ACVR1B: variants seen among roughly 807,000 people sequenced by gnomAD.
ACVR1B encodes the protein activin receptor type-1B.
A neutral mutation model predicts 55.6 loss-of-function variants in ACVR1B; 15 were observed. That is an observed-to-expected ratio of 0.27 (90% CI 0.18 to 0.42). The LOEUF (loss-of-function observed/expected upper bound fraction) is 0.42. Among genes scored for constraint, ACVR1B ranks in the 10% least tolerant of loss-of-function variants. The pLI is 1.00. For synonymous variants in ACVR1B, 247 were observed against 254.6 expected (o/e 0.97, Z 0.28); for missense variants, 359 against 670.1 (o/e 0.54, Z 5.13).
chr12:51,965,626 T>C (rs1941624664), intron 1 of ACVR1B, among the ~76,000 whole-genome samples: 1 of 152,082 alleles, frequency 6.6e-6, no homozygotes, highest in Non-Finnish European at 1.5e-5. Flanking sequence ...GACAGTACCA[T>C]GTGAGATCGT....
chr12:51,976,558 C>T lies in ACVR1B; in HGVS notation c.563C>T (p.Thr188Ile). Reference sequence around the variant, plus strand: ...CAGGATCTTGTCTACGATCTCTCCACCTCAGGGTCTGGCTCAGGTACCAAG... The same window carrying T: ...CAGGATCTTGTCTACGATCTCTCCATCTCAGGGTCTGGCTCAGGTACCAAG... ...TLQDLVYDLSTSGSGSGLPLF... is the reference protein window; with the variant it reads ...TLQDLVYDLSISGSGSGLPLF... Residue 188 changes from threonine to isoleucine, a missense_variant, in exon 3 of 9, where the codon ACC becomes ATC. Physicochemically the swap from Thr to Ile is moderately conservative, Grantham distance 89. Transcript: ENST00000257963. 2 of 1,613,430 alleles carry T rather than the reference C, an allele frequency of 1.2e-6. No homozygotes were observed. The highest frequency in any genetic ancestry group is 1.1e-5 in the South Asian group (1 of 91,048).
At position 51,986,346 on chromosome 12, in the gene ACVR1B, C is replaced by T. The variant is rs1037835335; in HGVS notation, c.1137-472C>T. ...CAGTCATGGCTCACTGCAGCCTCCG[C>T]CTCCCGGGTTCAAGTGATTCTCCTG... is the stretch of plus-strand genomic sequence containing the variant. On this transcript the variant is annotated intron_variant, in intron 6 of 8. Transcript: ENST00000257963. Among the ~76,000 whole-genome samples the T allele has an allele frequency of 1.1e-4, 16 of 152,342 alleles. 1 individual carries two copies. Among genetic ancestry groups the T allele is most frequent in the Middle Eastern group, 3.4e-3 (1 of 294 alleles).
At chr12:51,979,019 C>T (rs769307503) in intron 3 of ACVR1B, among the ~76,000 whole-genome samples, 8 of 150,750 alleles carry the variant, frequency 5.3e-5, no homozygotes, top group South Asian at 2.1e-4. Flanking sequence ...AAAAATTAGC[C>T]GGGTGTAGTG....
chr12:51,970,465 C>A (rs1178686890), intron 1 of ACVR1B, among the ~76,000 whole-genome samples: 1 of 152,170 alleles, frequency 6.6e-6, no homozygotes, highest in Non-Finnish European at 1.5e-5. Flanking sequence ...ACTCTTGATA[C>A]AATAACACAG....
intron 1 of ACVR1B, among the ~76,000 whole-genome samples, chr12:51,974,791 G>C (rs563827703): frequency 6.6e-6 from 1 of 152,310 alleles, no homozygotes; most frequent in South Asian, 2.1e-4. Flanking sequence ...GTTGAATTTT[G>C]AAGGATATGT....
At chr12:51,974,764 A>G (rs1941814534) in intron 1 of ACVR1B, among the ~76,000 whole-genome samples, 1 of 152,188 alleles carries the variant, frequency 6.6e-6, no homozygotes, top group African/African-American at 2.4e-5. Flanking sequence ...AAGCTTTTCA[A>G]AAGAAGTGAC....
At chr12:51,976,980 A>G (rs1282718184) in intron 3 of ACVR1B, among the ~76,000 whole-genome samples, 2 of 152,170 alleles carry the variant, frequency 1.3e-5, no homozygotes, top group Admixed American at 1.3e-4. Flanking sequence ...AGCAACCACA[A>G]GGGGAGTTTA....
chr12:51,986,753 T>C (rs573240171), intron 6 of ACVR1B, 65 bp from the exon 7 acceptor site: 2 of 1,549,628 alleles, frequency 1.3e-6, no homozygotes, highest in South Asian at 2.5e-5. Flanking sequence ...CCTGAATCAA[T>C]ACTTTGATTT....
intron 8 of ACVR1B, 119 bp downstream of exon 8, chr12:51,992,112 A>C (rs1169516118): frequency 1.4e-5 from 18 of 1,318,280 alleles, no homozygotes; most frequent in Non-Finnish European, 1.8e-5. Context: ...GTTATTATTT[A>C]CTATTACGTG....
At chr12:51,991,136 T>A (rs1275183475) in intron 7 of ACVR1B, among the ~76,000 whole-genome samples, 1 of 152,238 alleles carries the variant, frequency 6.6e-6, no homozygotes, top group Non-Finnish European at 1.5e-5. Flanking sequence ...CTTGATTCTT[T>A]CCACTTATTT....
intron 1 of ACVR1B, among the ~76,000 whole-genome samples, chr12:51,971,057 T>A (rs1027258388): frequency 1.3e-5 from 2 of 152,116 alleles, no homozygotes; most frequent in Non-Finnish European, 2.9e-5. Context: ...TAAATGGCCA[T>A]GAATCTGACT....
intron 1 of ACVR1B, among the ~76,000 whole-genome samples, chr12:51,954,275 T>A (rs1941367918): frequency 1.3e-5 from 2 of 152,172 alleles, no homozygotes; most frequent in African/African-American, 4.8e-5. Flanking sequence ...ATAAGGAGAA[T>A]GAGTTTCAGT....
chr12:51,959,769 C>T (rs1049979864), intron 1 of ACVR1B, among the ~76,000 whole-genome samples: 4 of 152,132 alleles, frequency 2.6e-5, no homozygotes, highest in African/African-American at 9.7e-5. Context: ...AATCCTTTGA[C>T]CACATGTGGC....
At chr12:51,973,311 C>A (rs1285205725) in intron 1 of ACVR1B, among the ~76,000 whole-genome samples, 2 of 152,190 alleles carry the variant, frequency 1.3e-5, no homozygotes, top group Admixed American at 1.3e-4. Flanking sequence ...CTTCTTGCTT[C>A]CCAAAATAGA....
At chr12:51,962,259 T>C (rs1343141952) in intron 1 of ACVR1B, among the ~76,000 whole-genome samples, 1 of 152,212 alleles carries the variant, frequency 6.6e-6, no homozygotes, top group African/African-American at 2.4e-5. Flanking sequence ...TCAAGTGTCT[T>C]ATTGTTAAAT....
At chr12:51,980,316 C>T (rs1000398477) in intron 3 of ACVR1B, among the ~76,000 whole-genome samples, 3 of 152,048 alleles carry the variant, frequency 2.0e-5, no homozygotes, top group Admixed American at 6.5e-5. Context: ...TTAAGAGTCA[C>T]TTGTGATGGT....
chr12:51,976,079 C>T (rs895406615), intron 2 of ACVR1B, among the ~76,000 whole-genome samples: 3 of 152,010 alleles, frequency 2.0e-5, no homozygotes, highest in Admixed American at 6.5e-5. Context: ...GATAGTACCA[C>T]GAAATGCGTG....
intron 8 of ACVR1B, among the ~76,000 whole-genome samples, chr12:51,993,764 C>CCAAAAAAAAAAAAAAAA (rs1942240174): frequency 1.7e-5 from 1 of 60,076 alleles, no homozygotes; most frequent in Admixed American, 3.9e-4. Flanking sequence ...GAGACTCCTT[C>CCAAAAAAAAAAAAAAAA]TAAAAAAAAA....
In ACVR1B at chr12:51,951,714, G is replaced by T. The variant is rs1941296617; in HGVS notation, c.-30G>T. On this transcript the variant is annotated 5_prime_UTR_variant, in exon 1 of 9. Coordinates refer to ENST00000257963, the MANE Select transcript of ACVR1B (RefSeq NM_004302.5). Reference sequence around the variant, plus strand: ...CGCGCGCGCTGGGCGCTGCTGGGCTGCGGCGGCGGCGGCGGCGGCGGTGGT... The same window carrying T: ...CGCGCGCGCTGGGCGCTGCTGGGCTTCGGCGGCGGCGGCGGCGGCGGTGGT... The T allele has an allele frequency of 7.7e-5, 1 of 13,024 alleles. No homozygotes were observed. Among genetic ancestry groups the T allele is most frequent in the African/African-American group, 1.5e-4 (1 of 6,568 alleles). 0.8% of individuals were successfully genotyped at this position (13,024 alleles called of 1,614,324 possible). A position where few individuals can be genotyped will look rare whatever the true frequency, so the allele number is the denominator to read the frequency against.
Sources: gnomAD v4.1 joint callset for allele counts (sites outside exome capture counted in the v4.1 genomes callset) on GRCh38, gnomAD v4.1.1 for gene constraint, MANE v1.5 for transcripts, NCBI Gene and HGNC (gene_info 2026-07-23, HGNC 2026-07-21) for gene names.